The following PRKCB variants were observed in gnomAD, a reference collection of about 807,000 sequenced individuals.
The protein encoded by PRKCB is protein kinase C beta type.
In PRKCB, 13 loss-of-function variants were observed where a neutral mutation model predicts 81.5. The observed-to-expected ratio is 0.16, with a 90% CI of 0.10 to 0.25. The LOEUF is 0.25. PRKCB is among the 10% of genes least tolerant of loss of function. PRKCB has a pLI of 1.00. For missense variants in PRKCB, 509 were observed against 875.7 expected, an observed-to-expected ratio of 0.58 and a Z score of 5.29; for synonymous variants, 335 against 321.4, an observed-to-expected ratio of 1.04 and a Z score of -0.45.
chr16:24,113,596 T>G lies in PRKCB; in HGVS notation c.918+527T>G, dbSNP rs566906636. On this transcript the variant is annotated intron_variant, in intron 8 of 16. Transcript: ENST00000643927. ...TCATTCTTTCTCCCCTTTCTCTCTC[T>G]CTTCCTCTCTCTTGTCTCTCTCTTC... Among the ~76,000 whole-genome samples the G allele has an allele frequency of 6.9e-4, 103 of 149,114 alleles. 1 individual carries two copies. The South Asian group carries it at 0.021, about 31-fold the overall frequency.
intron 2 of PRKCB, among the ~76,000 whole-genome samples, chr16:23,933,629 T>TATAC (rs1555485749): frequency 3.7e-5 from 5 of 135,602 alleles, no homozygotes; most frequent in Non-Finnish European, 7.9e-5. Context: ...TGTGAACTGA[T>TATAC]ATCCATCCAT....
At chr16:23,911,343 T>G (rs1322723417) in intron 2 of PRKCB, among the ~76,000 whole-genome samples, 2 of 151,738 alleles carry the variant, frequency 1.3e-5, no homozygotes, top group South Asian at 2.1e-4. Flanking sequence ...GCCCAGGCTG[T>G]TCTTCAACTC....
At chr16:24,000,842 T>C (rs1965024012) in intron 3 of PRKCB, among the ~76,000 whole-genome samples, 1 of 152,192 alleles carries the variant, frequency 6.6e-6, no homozygotes, top group Admixed American at 6.5e-5. Flanking sequence ...AGAAAAGAAC[T>C]CAAACTTTGG....
At chr16:24,011,795 A>C (rs1965206164) in intron 3 of PRKCB, among the ~76,000 whole-genome samples, 1 of 152,188 alleles carries the variant, frequency 6.6e-6, no homozygotes, top group Non-Finnish European at 1.5e-5. Context: ...TTAGCTGTGC[A>C]CTTTAAATAA....
chr16:23,933,565 G>A (rs1964007938), intron 2 of PRKCB, among the ~76,000 whole-genome samples: 1 of 152,078 alleles, frequency 6.6e-6, no homozygotes, highest in Admixed American at 6.5e-5. Context: ...TTTTCTACCA[G>A]AAGACCTTCA....
chr16:24,095,128 A>T (rs1432464666), intron 7 of PRKCB, among the ~76,000 whole-genome samples: 1 of 152,198 alleles, frequency 6.6e-6, no homozygotes, highest in African/African-American at 2.4e-5. Context: ...CTACATGATG[A>T]GACTGTAACT....
intron 16 of PRKCB, among the ~76,000 whole-genome samples, chr16:24,204,151 G>A (rs1270204533): frequency 6.6e-6 from 1 of 152,094 alleles, no homozygotes; most frequent in African/African-American, 2.4e-5. Context: ...ACCATGTTAA[G>A]TATTTGATGT....
intron 3 of PRKCB, among the ~76,000 whole-genome samples, chr16:24,010,078 G>A (rs529996132): frequency 5.9e-5 from 9 of 152,238 alleles, no homozygotes; most frequent in African/African-American, 2.2e-4. Context: ...ATGTGTGTGT[G>A]TGTGGCCACA....
At chr16:23,863,224 A>ATATGTGTATATATACATACAAATG (rs1567293456) in intron 2 of PRKCB, among the ~76,000 whole-genome samples, 39 of 80,846 alleles carry the variant, frequency 4.8e-4, no homozygotes, top group East Asian at 7.1e-4. Context: ...ACATACATAT[A>ATATGTGTATATATACATACAAATG]TATGTGTATA....
At chr16:24,185,776 T>C (rs1567405821) in intron 15 of PRKCB, among the ~76,000 whole-genome samples, 1 of 152,240 alleles carries the variant, frequency 6.6e-6, no homozygotes, top group Non-Finnish European at 1.5e-5. Flanking sequence ...TGTAGAGAGC[T>C]GCCTGCAGCT....
chr16:24,061,778 A>G (rs1227762194), intron 5 of PRKCB, among the ~76,000 whole-genome samples: 1 of 152,132 alleles, frequency 6.6e-6, no homozygotes, highest in Non-Finnish European at 1.5e-5. Flanking sequence ...GGGAAAACAG[A>G]AAAGCACTCT....
At position 24,191,173 on chromosome 16, in the gene PRKCB, T is replaced by C. The variant is rs900343542; in HGVS notation, c.1806T>C (p.Tyr602=). The C allele has an allele frequency of 2.5e-6, 4 of 1,614,156 alleles. No individual in the cohort carries two copies. The Admixed American group carries it at 5.0e-5, about 20-fold the overall frequency. The change falls in exon 16 of 17, where the codon TAT becomes TAC. Residue 602 remains tyrosine (Y), a synonymous_variant. Transcript: ENST00000643927. ...TCAAAGAGCATGCATTTTTCCGGTA[T>C]ATTGATTGGGAGAAACTTGAACGCA... The part of the protein sequence containing the change: ...RDIKEHAFFR[Y]IDWEKLERKE...
At chr16:24,028,854 G>A (rs796757114) in intron 3 of PRKCB, among the ~76,000 whole-genome samples, 13 of 151,916 alleles carry the variant, frequency 8.6e-5, no homozygotes, top group African/African-American at 2.7e-4. Context: ...GCAGTAGCAC[G>A]ATCTCGGCTC....
chr16:23,933,564 A>G (rs948179960), intron 2 of PRKCB, among the ~76,000 whole-genome samples: 5 of 152,156 alleles, frequency 3.3e-5, no homozygotes, highest in Non-Finnish European at 5.9e-5. Flanking sequence ...ATTTTCTACC[A>G]GAAGACCTTC....
intron 2 of PRKCB, among the ~76,000 whole-genome samples, chr16:23,977,726 C>T (rs77721593): frequency 1.3e-5 from 2 of 152,094 alleles, no homozygotes; most frequent in East Asian, 3.9e-4. Flanking sequence ...AATTTTGAAG[C>T]CACAAGCATA....
At chr16:24,120,174 C>T (rs755984457) in intron 8 of PRKCB, among the ~76,000 whole-genome samples, 2 of 152,090 alleles carry the variant, frequency 1.3e-5, no homozygotes, top group Non-Finnish European at 2.9e-5. Context: ...GAAACTGGAA[C>T]AGAGATTGCC....
intron 3 of PRKCB, among the ~76,000 whole-genome samples, chr16:23,998,078 G>T (rs1964983305): frequency 1.3e-5 from 2 of 152,180 alleles, no homozygotes; most frequent in African/African-American, 4.8e-5. Context: ...CATCTAATCT[G>T]TTGAGGACTC....
chr16:23,868,760 GA>G (rs1406888471), intron 2 of PRKCB, among the ~76,000 whole-genome samples: 4 of 152,316 alleles, frequency 2.6e-5, no homozygotes, highest in Admixed American at 2.6e-4. Context: ...GGCTTGTGGG[GA>G]TGGAGACTGG....
chr16:24,074,812 C>T (rs1269992430), intron 5 of PRKCB, among the ~76,000 whole-genome samples: 2 of 152,116 alleles, frequency 1.3e-5, no homozygotes, highest in Non-Finnish European at 2.9e-5. Flanking sequence ...CCACTAGCCA[C>T]GTGGGGCTGT....
Sources: allele counts gnomAD v4.1 joint callset (sites outside exome capture counted in the v4.1 genomes callset), GRCh38; gene constraint gnomAD v4.1.1; transcripts MANE v1.5; gene names NCBI Gene and HGNC (gene_info 2026-07-23, HGNC 2026-07-21).